SBF2: variants seen among roughly 807,000 people sequenced by gnomAD.
The protein encoded by SBF2 is SET binding factor 2.
A neutral mutation model predicts 225.2 loss-of-function variants in SBF2; 112 were observed. The observed-to-expected ratio is 0.50, with a 90% confidence interval of 0.43 to 0.58. SBF2 has a LOEUF of 0.58. SBF2 is among the 20% of genes least tolerant of loss of function. The probability of loss-of-function intolerance (pLI) is 0.00; values close to 1 mark genes in which losing one functional copy is unlikely to be tolerated. For missense variants in SBF2, 1,996 were observed against 2,206.2 expected, an observed-to-expected ratio of 0.90 and a Z score of 1.91; for synonymous variants, 763 against 773.3, an observed-to-expected ratio of 0.99 and a Z score of 0.22.
chr11:10,142,193 T>G (rs1954680626), intron 2 of SBF2, among the ~76,000 whole-genome samples: 1 of 152,206 alleles, frequency 6.6e-6, no homozygotes, highest in Non-Finnish European at 1.5e-5. Flanking sequence ...ACCAGTACTA[T>G]AACCTGAAAT....
At chr11:10,093,021 CTTTT>C (rs35286829) in intron 2 of SBF2, among the ~76,000 whole-genome samples, 1 of 145,376 alleles carries the variant, frequency 6.9e-6, no homozygotes, top group South Asian at 2.2e-4. Flanking sequence ...TTCCTTCTTT[CTTTT>C]TTTTTTTGTT....
At chr11:9,809,398 T>A (rs551252024) in intron 30 of SBF2, 1 of 175,574 alleles carries the variant, frequency 5.7e-6, no homozygotes, top group African/African-American at 2.4e-5. Flanking sequence ...CTTACATGAT[T>A]CCCCCAAAAG....
At chr11:10,255,522 A>G (rs1217464521) in intron 1 of SBF2, among the ~76,000 whole-genome samples, 1 of 152,236 alleles carries the variant, frequency 6.6e-6, no homozygotes, top group African/African-American at 2.4e-5. Context: ...TTCTGTGAAG[A>G]TACATTATCC....
chr11:9,995,737 G>A (rs1438865008), intron 9 of SBF2, among the ~76,000 whole-genome samples: 2 of 149,604 alleles, frequency 1.3e-5, no homozygotes, highest in East Asian at 2.0e-4. Flanking sequence ...TGCGACCTCC[G>A]CCTCCTGGGT....
At chr11:10,127,814 C>CT (rs1240888214) in intron 2 of SBF2, among the ~76,000 whole-genome samples, 1 of 152,128 alleles carries the variant, frequency 6.6e-6, no homozygotes, top group Non-Finnish European at 1.5e-5. Flanking sequence ...TGGTTAAGAG[C>CT]TCAAGATCTG....
chr11:10,065,253 G>C (rs975697994), intron 2 of SBF2, among the ~76,000 whole-genome samples: 8 of 152,060 alleles, frequency 5.3e-5, no homozygotes, highest in African/African-American at 1.9e-4. Context: ...AAATTTGTAG[G>C]ATGCTACTAA....
intron 2 of SBF2, among the ~76,000 whole-genome samples, chr11:10,074,824 A>G (rs1310275164): frequency 7.9e-5 from 12 of 152,194 alleles, no homozygotes; most frequent in South Asian, 2.1e-4. Flanking sequence ...AGCCAGGTCA[A>G]TTTTGTTTAC....
At chr11:10,034,119 A>G (rs768481733) in intron 3 of SBF2, among the ~76,000 whole-genome samples, 1 of 152,192 alleles carries the variant, frequency 6.6e-6, no homozygotes, top group Non-Finnish European at 1.5e-5. Context: ...GGTCTCATTA[A>G]AGATACAAAT....
chr11:9,882,313 C>G (rs1217708250), intron 17 of SBF2, among the ~76,000 whole-genome samples: 1 of 152,098 alleles, frequency 6.6e-6, no homozygotes, highest in African/African-American at 2.4e-5. Context: ...ACAAAATTCA[C>G]AAGATTAGGA....
intron 16 of SBF2, among the ~76,000 whole-genome samples, chr11:9,912,163 A>C (rs970366642): frequency 6.6e-6 from 1 of 151,062 alleles, no homozygotes; most frequent in African/African-American, 2.4e-5. Flanking sequence ...AAAAATACAA[A>C]AATTAGCTGG....
intron 2 of SBF2, among the ~76,000 whole-genome samples, chr11:10,047,010 A>T (rs1377231955): frequency 6.6e-6 from 1 of 152,142 alleles, no homozygotes; most frequent in Non-Finnish European, 1.5e-5. Flanking sequence ...AGGCAAAAAT[A>T]TAATACCATT....
intron 2 of SBF2, among the ~76,000 whole-genome samples, chr11:10,140,358 T>C (rs1008237049): frequency 6.6e-6 from 1 of 152,182 alleles, no homozygotes; most frequent in Non-Finnish European, 1.5e-5. Context: ...GGACTGGCAA[T>C]TGAGTTAATC....
chr11:9,832,198 T>C (rs1178145635), intron 27 of SBF2, 26 bp downstream of exon 27: 1 of 1,592,320 alleles, frequency 6.3e-7, no homozygotes, highest in East Asian at 2.2e-5. Flanking sequence ...GAACGGGTGG[T>C]AATTGTGTTA....
intron 2 of SBF2, among the ~76,000 whole-genome samples, chr11:10,108,763 A>G (rs1952695223): frequency 6.6e-6 from 1 of 151,628 alleles, no homozygotes; most frequent in Non-Finnish European, 1.5e-5. Flanking sequence ...TGACCTCGTG[A>G]TCCGCCCGCC....
chr11:9,803,492 A>G (rs1026022472), intron 32 of SBF2, among the ~76,000 whole-genome samples: 1 of 152,106 alleles, frequency 6.6e-6, no homozygotes, highest in African/African-American at 2.4e-5. Flanking sequence ...CCCATCCCCA[A>G]TAATAAAATA....
chr11:9,910,591 T>C (rs916215340), intron 16 of SBF2, among the ~76,000 whole-genome samples: 2 of 151,996 alleles, frequency 1.3e-5, no homozygotes, highest in African/African-American at 4.8e-5. Context: ...GAACTTCCAG[T>C]GAGACAAGAT....
At chr11:10,116,495 AATT>A (rs778294583) in intron 2 of SBF2, among the ~76,000 whole-genome samples, 2 of 152,200 alleles carry the variant, frequency 1.3e-5, no homozygotes, top group Non-Finnish European at 2.9e-5. Flanking sequence ...TTTCAAAAAT[AATT>A]GATATATTAT....
At chr11:10,298,945 G>A (rs1030688892), upstream of SBF2, among the ~76,000 whole-genome samples, 10 of 152,168 alleles carry the variant, frequency 6.6e-5, no homozygotes, top group Non-Finnish European at 1.0e-4. Context: ...CAGTAAGCAG[G>A]TTATTGAACC....
chr11:9,806,155 TA>T lies in SBF2; in HGVS notation c.4443+1844del, dbSNP rs1853833137. 5.3e-5 allele frequency among the ~76,000 whole-genome samples: 8 copies of T among 152,228 alleles called. No homozygotes were observed. In the South Asian group the frequency reaches 1.7e-3, roughly 32 times the overall value. ...TAGTTACATACAAATAAACATACTT[TA>T]GTGCTATAGATGTTATCAAAGAAGT... On this transcript the variant is annotated intron_variant, in intron 32 of 39. Coordinates refer to ENST00000256190, the MANE Select transcript of SBF2 (RefSeq NM_030962.4).
Sources: allele counts gnomAD v4.1 joint callset (sites outside exome capture counted in the v4.1 genomes callset), GRCh38; gene constraint gnomAD v4.1.1; transcripts MANE v1.5; gene names NCBI Gene and HGNC (gene_info 2026-07-23, HGNC 2026-07-21).